Variants in NEMF observed in about 807,000 individuals in gnomAD.
NEMF encodes the protein nuclear export mediator factor.
In NEMF, 89 loss-of-function variants were observed where a neutral mutation model predicts 162.2. The observed-to-expected ratio is 0.55, with a 90% confidence interval of 0.46 to 0.65. The LOEUF (loss-of-function observed/expected upper bound fraction) is 0.65, where lower values mean the gene tolerates loss of function less well. Ranked by LOEUF, NEMF falls within the 30% of genes least tolerant of loss-of-function variation. NEMF has a pLI of 0.00. For missense variants in NEMF, 1,133 were observed against 1,261.9 expected (o/e 0.90, Z 1.55); for synonymous variants, 421 against 404.5 (o/e 1.04, Z -0.49).
At chr14:49,791,760 T>A (rs1024578012) in intron 26 of NEMF, among the ~76,000 whole-genome samples, 3 of 131,488 alleles carry the variant, frequency 2.3e-5, no homozygotes, top group African/African-American at 8.6e-5. Flanking sequence ...AAAAAAAAAA[T>A]TCACTGAGCC....
chr14:49,791,245 G>C (rs949467670), intron 26 of NEMF, among the ~76,000 whole-genome samples: 1 of 152,100 alleles, frequency 6.6e-6, no homozygotes, highest in Non-Finnish European at 1.5e-5. Context: ...TGAAGCAGGA[G>C]AATCGCTTGA....
intron 26 of NEMF, among the ~76,000 whole-genome samples, chr14:49,791,192 G>C (rs1594725899): frequency 6.6e-6 from 1 of 151,574 alleles, no homozygotes; most frequent in African/African-American, 2.4e-5. Context: ...AAAATTAGCT[G>C]GGTGTGGTGG....
chr14:49,818,202 C>T (rs773367692), intron 16 of NEMF: 3 of 152,062 alleles, frequency 2.0e-5, no homozygotes, highest in Non-Finnish European at 4.4e-5. Context: ...ATTCTCCTGC[C>T]TCAGCCTCCC....
chr14:49,846,325 T>C (rs1893500385), intron 3 of NEMF, 60 bp from the exon 4 acceptor site: 1 of 1,513,312 alleles, frequency 6.6e-7, no homozygotes, highest in Non-Finnish European at 9.1e-7. Flanking sequence ...CCATTTGGTA[T>C]TGGTTTATAA....
intron 8 of NEMF, 108 bp downstream of exon 8, chr14:49,833,315 T>C: frequency 5.1e-6 from 3 of 592,310 alleles, no homozygotes; most frequent in South Asian, 7.8e-5. Flanking sequence ...CAGATAACAA[T>C]TTTCCAAATT....
intron 6 of NEMF, 139 bp from the exon 7 acceptor site, chr14:49,834,588 A>AAGTGAT: frequency 1.8e-6 from 1 of 555,130 alleles, no homozygotes. Flanking sequence ...TCTGCCTCCC[A>AAGTGAT]CCTCCTGCCT....
intron 29 of NEMF, 157 bp from the exon 30 acceptor site, chr14:49,785,477 T>A (rs1406534985): frequency 3.3e-6 from 2 of 605,528 alleles, no homozygotes; most frequent in East Asian, 2.8e-5. Context: ...GCTTCATAGT[T>A]CCAAAGAGTT....
At chr14:49,791,569 G>A (rs112407855) in intron 26 of NEMF, among the ~76,000 whole-genome samples, 200 of 151,348 alleles carry the variant, frequency 1.3e-3, no homozygotes, top group African/African-American at 4.6e-3. Context: ...AAACTCTGTC[G>A]CTACTAAAAA....
intron 25 of NEMF, among the ~76,000 whole-genome samples, chr14:49,797,680 A>G (rs1235878659): frequency 6.6e-6 from 1 of 152,142 alleles, no homozygotes; most frequent in Non-Finnish European, 1.5e-5. Flanking sequence ...CCTTACATAA[A>G]ACTTTCCTAA....
intron 23 of NEMF, among the ~76,000 whole-genome samples, 199 bp from the exon 24 acceptor site, chr14:49,799,877 T>C (rs1890877047): frequency 6.6e-6 from 1 of 152,228 alleles, no homozygotes; most frequent in Non-Finnish European, 1.5e-5. Flanking sequence ...TGACGTGTAT[T>C]GAAAACTTAC....
Position 49,795,919 on chromosome 14 carries a change from T to C in NEMF, c.2491A>G (p.Ser831Gly). 1.9e-6 allele frequency: 3 copies of C among 1,598,988 alleles called. No individual in the cohort carries two copies. In the South Asian group the frequency reaches 3.4e-5, roughly 18 times the overall value. ...RREMKKKKLP[S>G]DSGDLEALEG... ...AACGCTTCTAAATCTCCTGAGTCAC[T>C]TGGAAGTTTTTTCTTTTTCATTTCC... Residue 831 changes from serine to glycine, a missense_variant, in exon 26 of 33, where the codon AGT (serine) becomes GGT (glycine). Physicochemically the swap from Ser to Gly is moderately conservative, Grantham distance 56 (BLOSUM62 0). Around this residue, in one of 3 missense-constraint regions of NEMF, gnomAD observed 532 missense variants for 578.6 expected, o/e 0.92. Coordinates refer to ENST00000298310, the MANE Select transcript of NEMF (RefSeq NM_004713.6).
At chr14:49,786,255 A>G (rs1890174285) in intron 29 of NEMF, 2 of 160,726 alleles carry the variant, frequency 1.2e-5, no homozygotes, top group Admixed American at 1.2e-4. Flanking sequence ...AAGTTGAGAA[A>G]CCCTGGGCTA....
At chr14:49,836,018 A>C (rs533490951) in intron 6 of NEMF, among the ~76,000 whole-genome samples, 1 of 152,228 alleles carries the variant, frequency 6.6e-6, no homozygotes, top group Non-Finnish European at 1.5e-5. Context: ...TTCTCCCCAA[A>C]CTGATCCACA....
rs1555344509 is a variant in NEMF, at chr14:49,788,296, A to AAAAT, written c.2895+849_2895+850insATTT. Among the ~76,000 whole-genome samples, 441 of 150,700 alleles carry AAAAT rather than the reference A, an allele frequency of 2.9e-3. 3 individuals are homozygous for AAAAT. Among genetic ancestry groups the AAAAT allele is most frequent in the African/African-American group, 0.01 (424 of 40,858 alleles). On this transcript the variant is annotated intron_variant, in intron 28 of 32. Transcript: ENST00000298310. ...TGCCTCAAAAAAAAAAAAAAAAAAA[A>AAAAT]TTCAAGAAGAGGTACATATTCATGT...
intron 10 of NEMF, 28 bp from the exon 11 acceptor site, chr14:49,831,389 G>C (rs1252759954): frequency 3.6e-6 from 5 of 1,391,400 alleles, no homozygotes; most frequent in African/African-American, 2.9e-5. Context: ...CAACTAGTTG[G>C]AAAAAAAAGC....
At chr14:49,785,535 C>T (rs767721879) in intron 29 of NEMF, 39 of 475,800 alleles carry the variant, frequency 8.2e-5, no homozygotes, top group Non-Finnish European at 1.5e-4. Context: ...TTTTGCCTAG[C>T]ATAATAAGTA....
intron 16 of NEMF, among the ~76,000 whole-genome samples, chr14:49,825,098 GAAGATTTTTAAAA>G (rs1480504226): frequency 4.6e-5 from 7 of 152,094 alleles, no homozygotes; most frequent in African/African-American, 1.4e-4. Context: ...TAACTCCAGG[GAAGATTTTTAAAA>G]CTGAGCAAGG....
Position 49,846,695 on chromosome 14 carries a change from G to A in NEMF, c.232-430C>T, listed in dbSNP as rs151336761. On this transcript the variant is annotated intron_variant, in intron 3 of 32. Transcript: ENST00000298310. Reference sequence around the variant, plus strand: ...GCCCAGGCTAATCTCAAACTCCTGGGCACAAGCAATCCTCCTGCCTTGGCC... The same window carrying A: ...GCCCAGGCTAATCTCAAACTCCTGGACACAAGCAATCCTCCTGCCTTGGCC... Among the ~76,000 whole-genome samples, 13 of 152,306 alleles carry A rather than the reference G, an allele frequency of 8.5e-5. No individual in the cohort carries two copies. In the East Asian group the frequency reaches 2.5e-3, roughly 29 times the overall value.
chr14:49,783,815 C>T lies in NEMF; in HGVS notation c.*821G>A, dbSNP rs1890030331. The T allele has an allele frequency of 6.6e-6, 1 of 152,120 alleles. No individual in the cohort carries two copies. The highest frequency in any genetic ancestry group is 1.5e-5 in the Non-Finnish European group (1 of 68,022). 9.4% of individuals were successfully genotyped at this position (152,120 alleles called of 1,614,324 possible). ...ATGAATAGAAATGATTAAGCTGAGT[C>T]ATGAGAATTATTACTTATATTTTAC... On this transcript the variant is annotated 3_prime_UTR_variant, in exon 33 of 33. Transcript: ENST00000298310.
Sources: gnomAD v4.1 joint callset for allele counts (sites outside exome capture counted in the v4.1 genomes callset) on GRCh38, gnomAD v4.1.1 for gene constraint, gnomAD v4.1.1 regional missense constraint, MANE v1.5 for transcripts, NCBI Gene and HGNC (gene_info 2026-07-23, HGNC 2026-07-21) for gene names.